Variants in FARS2 observed in about 807,000 individuals in gnomAD.
FARS2 encodes the protein phenylalanine--tRNA ligase, mitochondrial.
A neutral mutation model predicts 46.4 loss-of-function variants in FARS2; 40 were observed. The ratio of observed to expected loss-of-function variants is 0.86; its 90% CI spans 0.67 to 1.12. The LOEUF is 1.12. Ranked by LOEUF, FARS2 falls within the 50% of genes most tolerant of loss-of-function variation. The probability of loss-of-function intolerance (pLI) is 0.00; values close to 1 mark genes in which losing one functional copy is unlikely to be tolerated. For missense variants in FARS2, 513 were observed against 567.9 expected (o/e 0.90, Z 0.98); for synonymous variants, 234 against 214.9 (o/e 1.09, Z -0.78).
chr6:5,262,823 C>G (rs183654382), intron 1 of FARS2, among the ~76,000 whole-genome samples: 1 of 152,210 alleles, frequency 6.6e-6, no homozygotes, highest in African/African-American at 2.4e-5. Context: ...AGCAAAACTT[C>G]TATTACTTCC....
intron 1 of FARS2, among the ~76,000 whole-genome samples, chr6:5,284,507 T>A (rs1766976127): frequency 6.6e-6 from 1 of 152,192 alleles, no homozygotes; most frequent in African/African-American, 2.4e-5. Flanking sequence ...GCAGTGTTCT[T>A]CCATGGCTTC....
At chr6:5,372,099 T>G (rs1264654090) in intron 2 of FARS2, among the ~76,000 whole-genome samples, 1 of 152,128 alleles carries the variant, frequency 6.6e-6, no homozygotes, top group African/African-American at 2.4e-5. Flanking sequence ...TCAGGAAACT[T>G]TATGAATTAA....
Position 5,550,524 on chromosome 6 carries a change from C to T in FARS2, c.1065+5184C>T, listed in dbSNP as rs1771310051. Among the ~76,000 whole-genome samples, 2 of 152,174 alleles carry T rather than the reference C, an allele frequency of 1.3e-5. 1 individual carries two copies. The highest frequency in any genetic ancestry group is 4.1e-4 in the South Asian group (2 of 4,828). ...CAAGCAGTCTGCCTGCCTTGGCCTCCCACAGTGTCAGGGTTACAGGCATGA... is the reference window on the plus strand; with the variant it reads ...CAAGCAGTCTGCCTGCCTTGGCCTCTCACAGTGTCAGGGTTACAGGCATGA... On this transcript the variant is annotated intron_variant, in intron 5 of 6. Transcript: ENST00000274680.
intron 4 of FARS2, among the ~76,000 whole-genome samples, chr6:5,433,956 T>A (rs1410270556): frequency 6.6e-6 from 1 of 152,226 alleles, no homozygotes; most frequent in African/African-American, 2.4e-5. Context: ...TTAATGAGGC[T>A]GCTGTTCTGC....
chr6:5,690,991 G>A (rs535287984), intron 6 of FARS2, among the ~76,000 whole-genome samples: 4 of 152,046 alleles, frequency 2.6e-5, no homozygotes, highest in Non-Finnish European at 4.4e-5. Flanking sequence ...TGATCGAATC[G>A]GCTACCGAGG....
At chr6:5,690,638 C>T (rs1442263733) in intron 6 of FARS2, among the ~76,000 whole-genome samples, 1 of 151,858 alleles carries the variant, frequency 6.6e-6, no homozygotes, top group African/African-American at 2.4e-5. Flanking sequence ...ACATTTTTTC[C>T]TTCATTTCAA....
chr6:5,494,547 A>C (rs1767334276), intron 4 of FARS2, among the ~76,000 whole-genome samples: 1 of 152,118 alleles, frequency 6.6e-6, no homozygotes, highest in Admixed American at 6.6e-5. Flanking sequence ...CTTATTTCCT[A>C]CATTTTGGGA....
intron 2 of FARS2, among the ~76,000 whole-genome samples, chr6:5,386,091 A>G (rs1379326810): frequency 1.3e-5 from 2 of 152,208 alleles, no homozygotes; most frequent in Non-Finnish European, 2.9e-5. Context: ...CAGTCAGCAT[A>G]ATGGAAGATA....
At chr6:5,347,829 A>G (rs978607033) in intron 1 of FARS2, among the ~76,000 whole-genome samples, 1 of 152,148 alleles carries the variant, frequency 6.6e-6, no homozygotes, top group Non-Finnish European at 1.5e-5. Flanking sequence ...GTCTTTTTAA[A>G]TTTAGTTTTT....
At position 5,426,560 on chromosome 6, in the gene FARS2, T is replaced by C. The variant is rs138273633; in HGVS notation, c.773-4481T>C. Reference sequence around the variant, plus strand: ...GTATTTTGGGGGTAATATCAAAGTATTCAAGAAATAATTTCACTACCAATG... The same window carrying C: ...GTATTTTGGGGGTAATATCAAAGTACTCAAGAAATAATTTCACTACCAATG... On this transcript the variant is annotated intron_variant, in intron 3 of 6. Transcript: ENST00000274680. 5.1e-3 allele frequency among the ~76,000 whole-genome samples: 783 copies of C among 152,326 alleles called. 6 individuals carry two copies. Among genetic ancestry groups the C allele is most frequent in the Non-Finnish European group, 8.6e-3 (583 of 68,030 alleles).
chr6:5,341,235 ATTTTT>A (rs70974193), intron 1 of FARS2, among the ~76,000 whole-genome samples: 1 of 10,276 alleles, frequency 9.7e-5, no homozygotes, highest in Non-Finnish European at 2.0e-4. Context: ...ATATATATAT[ATTTTT>A]TTTTTTTTTT....
In FARS2 at chr6:5,274,639, C is replaced by T. The variant is rs116713887; in HGVS notation, c.-22+12979C>T. On this transcript the variant is annotated intron_variant, in intron 1 of 6. Transcript: ENST00000274680. ...CCTGGAACTGGATGCGTCTAGACTT[C>T]GTGTTTTGTTAACAACTAATGTCTT... is the stretch of plus-strand genomic sequence containing the variant. Among the ~76,000 whole-genome samples, 666 of 152,242 alleles carry T rather than the reference C, an allele frequency of 4.4e-3. 1 individual carries two copies. Among genetic ancestry groups the T allele is most frequent in the Non-Finnish European group, 7.7e-3 (524 of 68,012 alleles).
intron 5 of FARS2, among the ~76,000 whole-genome samples, chr6:5,546,541 C>T (rs4451185): frequency 2.6e-4 from 40 of 151,604 alleles, no homozygotes; most frequent in South Asian, 1.0e-3. Flanking sequence ...TGAGCCACTG[C>T]GCCCAGCCCT....
intron 6 of FARS2, among the ~76,000 whole-genome samples, chr6:5,705,859 C>G (rs1758723681): frequency 6.6e-6 from 1 of 152,178 alleles, no homozygotes; most frequent in Non-Finnish European, 1.5e-5. Flanking sequence ...AAAGCCACCC[C>G]TTCTTTTCCA....
chr6:5,316,305 CAT>C (rs1769513681), intron 1 of FARS2, among the ~76,000 whole-genome samples: 2 of 152,178 alleles, frequency 1.3e-5, no homozygotes, highest in African/African-American at 2.4e-5. Flanking sequence ...TTGAAACAAA[CAT>C]ATGTTTTGGA....
At chr6:5,723,944 C>A (rs368942574) in intron 6 of FARS2, among the ~76,000 whole-genome samples, 1 of 149,818 alleles carries the variant, frequency 6.7e-6, no homozygotes, top group African/African-American at 2.5e-5. Flanking sequence ...TCCCCCAAGA[C>A]AGAGGAAACA....
intron 6 of FARS2, among the ~76,000 whole-genome samples, chr6:5,648,673 C>A (rs1777197248): frequency 6.6e-6 from 1 of 152,136 alleles, no homozygotes; most frequent in Non-Finnish European, 1.5e-5. Context: ...TTTCCATCTA[C>A]CCTTCATAGG....
At chr6:5,643,393 C>T (rs921814053) in intron 6 of FARS2, among the ~76,000 whole-genome samples, 9 of 152,116 alleles carry the variant, frequency 5.9e-5, no homozygotes, top group Admixed American at 3.3e-4. Flanking sequence ...GAAGGGCAGA[C>T]GACGAATATA....
At chr6:5,575,123 G>A (rs536883425) in intron 5 of FARS2, among the ~76,000 whole-genome samples, 65 of 152,244 alleles carry the variant, frequency 4.3e-4, no homozygotes, top group African/African-American at 1.4e-3. Context: ...CTTGGGCTAA[G>A]GACACCAGAG....
Sources: allele counts gnomAD v4.1 joint callset (sites outside exome capture counted in the v4.1 genomes callset), GRCh38; gene constraint gnomAD v4.1.1; transcripts MANE v1.5; gene names NCBI Gene and HGNC (gene_info 2026-07-23, HGNC 2026-07-21).